Variants in PLD5 observed in about 807,000 individuals in gnomAD.
PLD5 encodes the protein inactive phospholipase D5.
Under a neutral mutation model 61.1 loss-of-function variants are expected in PLD5, and 36 were observed. The ratio of observed to expected loss-of-function variants is 0.59; its 90% CI spans 0.45 to 0.78. PLD5 has a LOEUF of 0.78. Ranked by LOEUF, PLD5 falls within the 30% of genes least tolerant of loss-of-function variation. The pLI, the probability that PLD5 is intolerant of heterozygous loss-of-function variation, is 0.00. For missense variants in PLD5, 515 were observed against 644.4 expected (o/e 0.80, Z 2.17); for synonymous variants, 243 against 242.8 (o/e 1.00, Z -0.01).
intron 3 of PLD5, among the ~76,000 whole-genome samples, chr1:242,276,819 A>G (rs1428066967): frequency 2.0e-5 from 3 of 152,088 alleles, no homozygotes; most frequent in Admixed American, 1.3e-4. Context: ...CTGTCCATTC[A>G]TCATAACAGG....
intron 2 of PLD5, among the ~76,000 whole-genome samples, chr1:242,321,825 A>G (rs1658434291): frequency 6.6e-6 from 1 of 152,114 alleles, no homozygotes; most frequent in Non-Finnish European, 1.5e-5. Context: ...TCTCCAATTA[A>G]TCAACCTTTT....
At chr1:242,480,345 T>G (rs1285122387) in intron 1 of PLD5, among the ~76,000 whole-genome samples, 1 of 152,100 alleles carries the variant, frequency 6.6e-6, no homozygotes, top group African/African-American at 2.4e-5. Flanking sequence ...CTATCTCACA[T>G]CACATACAAG....
At chr1:242,129,760 T>C (rs1403142336) in intron 5 of PLD5, among the ~76,000 whole-genome samples, 1 of 152,202 alleles carries the variant, frequency 6.6e-6, no homozygotes, top group African/African-American at 2.4e-5. Flanking sequence ...GTATACATTG[T>C]ACTCATTAAT....
chr1:242,247,124 C>T (rs1672430237), intron 4 of PLD5, among the ~76,000 whole-genome samples: 1 of 152,056 alleles, frequency 6.6e-6, no homozygotes, highest in Admixed American at 6.5e-5. Context: ...GCTGGGACTA[C>T]AGGCGCCCGC....
chr1:242,467,921 CG>C (rs1238855725), intron 1 of PLD5, among the ~76,000 whole-genome samples: 1 of 151,712 alleles, frequency 6.6e-6, no homozygotes, highest in Non-Finnish European at 1.5e-5. Context: ...CCAGTAGAAC[CG>C]CCCCCCAAAG....
chr1:242,286,096 GA>G (rs1675006202), intron 3 of PLD5, among the ~76,000 whole-genome samples: 1 of 152,070 alleles, frequency 6.6e-6, no homozygotes, highest in Admixed American at 6.5e-5. Context: ...GCAACACAGC[GA>G]GTCTCTGTCT....
chr1:242,496,553 C>A (rs185417881), intron 1 of PLD5, among the ~76,000 whole-genome samples: 4 of 152,128 alleles, frequency 2.6e-5, no homozygotes, highest in African/African-American at 7.2e-5. Flanking sequence ...TTAGACTTTG[C>A]GAGATTGTTT....
At chr1:242,145,385 CTTGT>C (rs1218629164) in intron 5 of PLD5, among the ~76,000 whole-genome samples, 5 of 152,090 alleles carry the variant, frequency 3.3e-5, no homozygotes, top group Admixed American at 3.3e-4. Context: ...GGACAATGAC[CTTGT>C]TTGTCTTACT....
At chr1:242,099,706 G>A (rs550606378) in intron 9 of PLD5, among the ~76,000 whole-genome samples, 11 of 152,200 alleles carry the variant, frequency 7.2e-5, no homozygotes, top group East Asian at 1.9e-4. Flanking sequence ...GTGATGTTGC[G>A]AAGAGAAATG....
intron 1 of PLD5, among the ~76,000 whole-genome samples, chr1:242,375,116 G>A (rs1661870141): frequency 6.6e-6 from 1 of 152,130 alleles, no homozygotes; most frequent in African/African-American, 2.4e-5. Context: ...TCCCCGAGCT[G>A]CGTAACCATC....
chr1:242,442,290 A>C (rs1019623705), intron 1 of PLD5, among the ~76,000 whole-genome samples: 7 of 152,216 alleles, frequency 4.6e-5, no homozygotes, highest in Admixed American at 1.3e-4. Flanking sequence ...CTATTTAAAT[A>C]AGAATAAAAA....
At position 242,086,393 on chromosome 1, in the gene PLD5, C is replaced by G. The variant is rs1410762681; in HGVS notation, c.*3461G>C. 6.6e-6 allele frequency: 1 copy of G among 152,152 alleles called. No homozygotes were observed. Among genetic ancestry groups the G allele is most frequent in the Non-Finnish European group, 1.5e-5 (1 of 68,044 alleles). 9.4% of individuals were successfully genotyped at this position (152,152 alleles called of 1,614,324 possible). A position where few individuals can be genotyped will look rare whatever the true frequency, so the allele number is the denominator to read the frequency against. ...AGTCAGTGGGGACATTTTCAGCATTCCTTGTTTCTATCAGGTTCAGGTACC... is the reference window on the plus strand; with the variant it reads ...AGTCAGTGGGGACATTTTCAGCATTGCTTGTTTCTATCAGGTTCAGGTACC... On this transcript the variant is annotated 3_prime_UTR_variant, in exon 10 of 10. Transcript: ENST00000536534.
At chr1:242,393,002 G>C (rs540162178) in intron 1 of PLD5, among the ~76,000 whole-genome samples, 7 of 151,044 alleles carry the variant, frequency 4.6e-5, no homozygotes, top group Non-Finnish European at 8.8e-5. Flanking sequence ...TCAGGAGTTC[G>C]AGACCAGCCT....
At chr1:242,277,205 A>G (rs993655114) in intron 3 of PLD5, among the ~76,000 whole-genome samples, 14 of 152,092 alleles carry the variant, frequency 9.2e-5, no homozygotes. Context: ...GCTCCAGGGG[A>G]AAGAGGGGAG....
At chr1:242,442,952 C>T (rs1351024781) in intron 1 of PLD5, among the ~76,000 whole-genome samples, 1 of 152,168 alleles carries the variant, frequency 6.6e-6, no homozygotes, top group African/African-American at 2.4e-5. Flanking sequence ...AAGGAATCTC[C>T]ATGCCGAATC....
At chr1:242,388,175 C>A (rs1662711074) in intron 1 of PLD5, among the ~76,000 whole-genome samples, 1 of 152,084 alleles carries the variant, frequency 6.6e-6, no homozygotes, top group Non-Finnish European at 1.5e-5. Context: ...AAACCATTAA[C>A]CTAGACGATA....
intron 3 of PLD5, among the ~76,000 whole-genome samples, chr1:242,283,730 G>A (rs1016628077): frequency 4.6e-5 from 7 of 152,102 alleles, no homozygotes; most frequent in African/African-American, 1.7e-4. Flanking sequence ...ATAAACCAAT[G>A]AGAGACTATC....
rs369578358 is a variant in PLD5 at position 242,207,914 on chromosome 1, T to G, written c.735+12074A>C. Among the ~76,000 whole-genome samples the G allele has an allele frequency of 1.1e-3, 14 of 12,850 alleles. 2 individuals are homozygous for G. Among genetic ancestry groups the G allele is most frequent in the African/African-American group, 3.9e-3 (13 of 3,306 alleles). 8.4% of individuals were successfully genotyped at this position (12,850 alleles called of 152,430 possible). On this transcript the variant is annotated intron_variant, in intron 5 of 9. Transcript: ENST00000536534. ...TATATATTTATATATTTATATATATTTATATATTTATATATATTTATATAT... is the reference window on the plus strand; with the variant it reads ...TATATATTTATATATTTATATATATGTATATATTTATATATATTTATATAT...
intron 5 of PLD5, among the ~76,000 whole-genome samples, chr1:242,131,420 C>G (rs1663237079): frequency 6.6e-6 from 1 of 152,048 alleles, no homozygotes; most frequent in Non-Finnish European, 1.5e-5. Context: ...TTCATACAAT[C>G]CAAGGAGATG....
Sources: allele counts gnomAD v4.1 joint callset (sites outside exome capture counted in the v4.1 genomes callset), GRCh38; gene constraint gnomAD v4.1.1; transcripts MANE v1.5; gene names NCBI Gene and HGNC (gene_info 2026-07-23, HGNC 2026-07-21).